The following STK10 variants were observed in gnomAD, a reference collection of about 807,000 sequenced individuals.
STK10 encodes serine/threonine kinase 10.
STK10 carries 78 observed loss-of-function variants against 113.8 expected under a neutral mutation model. The ratio of observed to expected loss-of-function variants is 0.69; its 90% CI spans 0.57 to 0.83. The LOEUF is 0.83. Among genes scored for constraint, STK10 ranks in the 40% least tolerant of loss-of-function variants. STK10 has a pLI of 0.00. For synonymous variants in STK10, 465 were observed against 494.7 expected (o/e 0.94, Z 0.80); for missense variants, 1,109 against 1,280.1 (o/e 0.87, Z 2.04).
intron 2 of STK10, among the ~76,000 whole-genome samples, chr5:172,135,315 C>T (rs1464801755): frequency 6.6e-6 from 1 of 152,156 alleles, no homozygotes; most frequent in East Asian, 1.9e-4. Flanking sequence ...GAGTTTGAGA[C>T]AGCCTGGCCG....
chr5:172,107,808 GT>G lies in STK10; in HGVS notation c.564del (p.Lys188AsnfsTer22), dbSNP rs772900977. On this transcript the variant is annotated frameshift_variant, in exon 5 of 19. Coordinates refer to ENST00000176763, the MANE Select transcript of STK10 (RefSeq NM_005990.4). LOFTEE classifies it high-confidence loss of function. ...VSAKNLKTLQ[K>X]RDSFIGTPYW... is the part of the protein sequence containing the mutation. Reference sequence around the variant, plus strand: ...TAAGGCGTGCCGATGAAGGAATCTCGTTTCTGTAGAGTCTTCAGATTCTTGG... The same window carrying G: ...TAAGGCGTGCCGATGAAGGAATCTCGTTCTGTAGAGTCTTCAGATTCTTGG... 6.2e-7 allele frequency: 1 copy of G among 1,614,106 alleles called. No homozygotes were observed. The highest frequency in any genetic ancestry group is 1.1e-5 in the South Asian group (1 of 91,070).
intron 12 of STK10, among the ~76,000 whole-genome samples, chr5:172,066,111 A>G (rs1456837763): frequency 6.6e-6 from 1 of 152,094 alleles, no homozygotes; most frequent in East Asian, 1.9e-4. Flanking sequence ...TGATGGGGGG[A>G]AAGGCCCGCC....
chr5:172,054,496 C>A, intron 17 of STK10, 73 bp downstream of exon 17: 3 of 1,563,064 alleles, frequency 1.9e-6, no homozygotes, highest in South Asian at 1.2e-5. Context: ...GAGTTTCTGG[C>A]CCCCTGAGAT....
chr5:172,149,394 G>A (rs1287399144), intron 2 of STK10, among the ~76,000 whole-genome samples: 1 of 152,194 alleles, frequency 6.6e-6, no homozygotes, highest in Non-Finnish European at 1.5e-5. Context: ...GCCTTAGGGT[G>A]TCTGTCCCCT....
chr5:172,046,389 T>C (rs1477677136), intron 18 of STK10, among the ~76,000 whole-genome samples: 1 of 151,642 alleles, frequency 6.6e-6, no homozygotes, highest in Admixed American at 6.6e-5. Context: ...TTTACATCAC[T>C]ATGTTGGCCA....
intron 3 of STK10, among the ~76,000 whole-genome samples, chr5:172,119,285 A>C (rs1769452628): frequency 6.6e-6 from 1 of 152,170 alleles, no homozygotes; most frequent in Non-Finnish European, 1.5e-5. Flanking sequence ...AAGTGACTCG[A>C]GGTCAGAGGT....
rs1265980216 is a variant in STK10 at position 172,156,142 on chromosome 5, T to A, written c.321+482A>T. On this transcript the variant is annotated intron_variant, in intron 2 of 18. Transcript: ENST00000176763. ...GCAGCCATCGAGAAGGATCTCCATG[T>A]AACAGCTGTAGCAGTGGCAGAAGAA... 2.0e-5 allele frequency among the ~76,000 whole-genome samples: 3 copies of A among 152,170 alleles called. No individual in the cohort carries two copies. In the East Asian group the frequency reaches 5.8e-4, roughly 29 times the overall value.
At chr5:172,101,728 T>C (rs1454158333) in intron 7 of STK10, among the ~76,000 whole-genome samples, 1 of 151,910 alleles carries the variant, frequency 6.6e-6, no homozygotes, top group African/African-American at 2.4e-5. Flanking sequence ...GGGTTTGCAA[T>C]TTCATGTGGG....
At chr5:172,108,613 CAAAA>C (rs1184891478) in intron 4 of STK10, among the ~76,000 whole-genome samples, 4 of 64,886 alleles carry the variant, frequency 6.2e-5, no homozygotes, top group East Asian at 5.0e-4. Flanking sequence ...GAGACTGTCT[CAAAA>C]AAAAAAAAAA....
chr5:172,134,405 T>C (rs1769812227), intron 2 of STK10, among the ~76,000 whole-genome samples: 1 of 152,108 alleles, frequency 6.6e-6, no homozygotes, highest in African/African-American at 2.4e-5. Context: ...CTGCAGTCTG[T>C]TTCAATGAGT....
At chr5:172,107,740 A>C in intron 5 of STK10, 40 bp downstream of exon 5, 2 of 1,602,892 alleles carry the variant, frequency 1.2e-6, no homozygotes, top group Middle Eastern at 1.7e-4. Flanking sequence ...GAGAGTTTTT[A>C]CATCCAGTCC....
At chr5:172,065,128 A>G (rs1367994530) in intron 12 of STK10, among the ~76,000 whole-genome samples, 1 of 152,122 alleles carries the variant, frequency 6.6e-6, no homozygotes, top group Non-Finnish European at 1.5e-5. Context: ...CAACCTTTTT[A>G]AAAAATTACA....
chr5:172,068,393 G>T (rs1002859915), intron 12 of STK10, among the ~76,000 whole-genome samples: 2 of 151,928 alleles, frequency 1.3e-5, no homozygotes, highest in African/African-American at 2.4e-5. Context: ...CTTCAGAAAT[G>T]AAAGTAAAAT....
intron 2 of STK10, among the ~76,000 whole-genome samples, chr5:172,145,320 G>C (rs1034527183): frequency 1.3e-5 from 2 of 152,200 alleles, no homozygotes; most frequent in African/African-American, 4.8e-5. Flanking sequence ...CCAGGACAAG[G>C]GTAAGAAGGG....
intron 13 of STK10, among the ~76,000 whole-genome samples, chr5:172,062,809 G>A (rs1173737153): frequency 6.6e-6 from 1 of 152,242 alleles, no homozygotes; most frequent in East Asian, 1.9e-4. Context: ...GAGTTCTGGA[G>A]ATAGATGGCG....
intron 10 of STK10, among the ~76,000 whole-genome samples, chr5:172,087,440 A>G (rs969011678): frequency 1.3e-4 from 20 of 150,698 alleles, no homozygotes; most frequent in Non-Finnish European, 2.7e-4. Context: ...ACAGCTGGCT[A>G]ATTTTTGTAG....
chr5:172,083,230 T>A, intron 10 of STK10, 146 bp from the exon 11 acceptor site: 1 of 969,408 alleles, frequency 1.0e-6, no homozygotes, highest in Non-Finnish European at 1.5e-6. Flanking sequence ...TCAGGCTTCA[T>A]TTGATATTTA....
intron 1 of STK10, among the ~76,000 whole-genome samples, chr5:172,157,321 G>T (rs1229054970): frequency 6.6e-6 from 1 of 152,082 alleles, no homozygotes; most frequent in Non-Finnish European, 1.5e-5. Flanking sequence ...CACTTTGAGA[G>T]GCCAAGGCAG....
At chr5:172,186,817 G>A (rs1288524448) in intron 1 of STK10, among the ~76,000 whole-genome samples, 1 of 151,940 alleles carries the variant, frequency 6.6e-6, no homozygotes, top group Non-Finnish European at 1.5e-5. Context: ...GGTCATCTAG[G>A]AACTACTTCG....
Sources: allele counts gnomAD v4.1 joint callset (sites outside exome capture counted in the v4.1 genomes callset), GRCh38; gene constraint gnomAD v4.1.1; transcripts MANE v1.5; gene names NCBI Gene and HGNC (gene_info 2026-07-23, HGNC 2026-07-21).